Variants in GARNL3 observed in about 807,000 individuals in gnomAD.
The protein encoded by GARNL3 is GTPase activating Rap/RanGAP domain like 3.
A neutral mutation model predicts 125.0 loss-of-function variants in GARNL3; 63 were observed. The ratio of observed to expected loss-of-function variants is 0.50; its 90% CI spans 0.41 to 0.62. The LOEUF is 0.62. GARNL3 is among the 20% of genes least tolerant of loss of function. GARNL3 has a pLI of 0.00. For synonymous variants in GARNL3, 439 were observed against 457.5 expected, an observed-to-expected ratio of 0.96 and a Z score of 0.52; for missense variants, 994 against 1,244.0, an observed-to-expected ratio of 0.80 and a Z score of 3.02.
chr9:127,273,228 A>G (rs895539048), intron 1 of GARNL3, among the ~76,000 whole-genome samples: 3 of 152,144 alleles, frequency 2.0e-5, no homozygotes, highest in Non-Finnish European at 2.9e-5. Context: ...CAGGAGTGAC[A>G]TTTAAACCCA....
intron 2 of GARNL3, among the ~76,000 whole-genome samples, chr9:127,295,512 G>A (rs911322285): frequency 6.6e-6 from 1 of 151,998 alleles, no homozygotes; most frequent in African/African-American, 2.4e-5. Context: ...TTCTCACACC[G>A]ACTACCTGGA....
At chr9:127,361,326 A>C (rs1830988592) in intron 21 of GARNL3, among the ~76,000 whole-genome samples, 1 of 152,088 alleles carries the variant, frequency 6.6e-6, no homozygotes, top group Admixed American at 6.6e-5. Context: ...GCTGGAGTGC[A>C]GTGGTGCAAT....
chr9:127,392,075 TGCATTCCA>T lies in GARNL3; in HGVS notation c.2871-1003_2871-996del, dbSNP rs1832899245. On this transcript the variant is annotated intron_variant, in intron 27 of 27. Coordinates refer to ENST00000373387, the MANE Select transcript of GARNL3 (RefSeq NM_032293.5). The surrounding 1 kb of genome is among the most constrained non-coding windows in gnomAD (Gnocchi z 5.2). ...GACCAACAAGCGTCCAGAAAATGAC[TGCATTCCA>T]GCATGGCAGGTGATGTGTAAGGAGG... Among the ~76,000 whole-genome samples, 2 of 152,198 alleles carry T rather than the reference TGCATTCCA, an allele frequency of 1.3e-5. No homozygotes were observed. Among genetic ancestry groups the T allele is most frequent in the South Asian group, 4.1e-4 (2 of 4,832 alleles).
At chr9:127,281,415 C>A (rs1340928927) in intron 1 of GARNL3, among the ~76,000 whole-genome samples, 1 of 152,098 alleles carries the variant, frequency 6.6e-6, no homozygotes, top group South Asian at 2.1e-4. Context: ...AGATCCAGGG[C>A]CTTGGTGGCT....
At position 127,314,947 on chromosome 9, in the gene GARNL3, T is replaced by A. The variant is rs529237105; in HGVS notation, c.438+1388T>A. Reference sequence around the variant, plus strand: ...GAGTAGAAGGGGAATCAGAGAGTGTTCCAGGTAGAAGGAGCAACAAATGTG... The same window carrying A: ...GAGTAGAAGGGGAATCAGAGAGTGTACCAGGTAGAAGGAGCAACAAATGTG... On this transcript the variant is annotated intron_variant, in intron 4 of 27. Transcript: ENST00000373387. Among the ~76,000 whole-genome samples the A allele has an allele frequency of 7.2e-5, 11 of 152,212 alleles. No individual in the cohort carries two copies. The East Asian group carries it at 2.1e-3, about 29-fold the overall frequency.
chr9:127,347,956 A>C (rs1830228366), intron 16 of GARNL3, among the ~76,000 whole-genome samples: 1 of 152,156 alleles, frequency 6.6e-6, no homozygotes, highest in Admixed American at 6.5e-5. Context: ...CTCAGCCCTA[A>C]TGCCGTTTTC....
intron 7 of GARNL3, among the ~76,000 whole-genome samples, chr9:127,330,721 G>A (rs1033941475): frequency 3.6e-5 from 5 of 137,070 alleles, no homozygotes; most frequent in East Asian, 2.0e-4. Context: ...ATCAGGAAAG[G>A]CCACTCTGGA....
At chr9:127,228,296 A>G (rs1267999039) in intron 1 of GARNL3, among the ~76,000 whole-genome samples, 1 of 152,236 alleles carries the variant, frequency 6.6e-6, no homozygotes, top group Non-Finnish European at 1.5e-5. Flanking sequence ...TTTTATAAAC[A>G]GGTCATCATA....
chr9:127,392,816 T>C lies in GARNL3; in HGVS notation c.2871-267T>C, dbSNP rs1832938008. ...ACCCATGGGAGGGTTTTAGGCAGGA[T>C]GACATTATCTGGATTTGCACTTTAG... is the stretch of plus-strand genomic sequence containing the variant. On this transcript the variant is annotated intron_variant, in intron 27 of 27. Coordinates refer to ENST00000373387, the MANE Select transcript of GARNL3 (RefSeq NM_032293.5). The surrounding 1 kb of genome is among the most constrained non-coding windows in gnomAD (Gnocchi z 5.2). Among the ~76,000 whole-genome samples, 2 of 152,204 alleles carry C rather than the reference T, an allele frequency of 1.3e-5. No individual in the cohort carries two copies. The highest frequency in any genetic ancestry group is 2.4e-5 in the African/African-American group (1 of 41,450).
chr9:127,307,375 CTACCTGAAAGAAGCTTGTCT>C (rs2064986243), intron 2 of GARNL3, among the ~76,000 whole-genome samples: 1 of 152,184 alleles, frequency 6.6e-6, no homozygotes, highest in Non-Finnish European at 1.5e-5. Flanking sequence ...TCTGTTGCTG[CTACCTGAAAGAAGCTTGTCT>C]GTGCCATCCA....
chr9:127,303,739 C>T (rs1419667648), intron 2 of GARNL3, among the ~76,000 whole-genome samples: 1 of 152,108 alleles, frequency 6.6e-6, no homozygotes, highest in Non-Finnish European at 1.5e-5. Flanking sequence ...TTTGTGGATT[C>T]CCTGCTTAAA....
chr9:127,351,268 T>C (rs540551709), intron 17 of GARNL3, among the ~76,000 whole-genome samples: 2 of 152,344 alleles, frequency 1.3e-5, no homozygotes, highest in South Asian at 4.1e-4. Flanking sequence ...TCTGAAATTT[T>C]TATCTTAAGG....
chr9:127,224,810 G>A (rs1415729374), intron 1 of GARNL3: 1 of 151,222 alleles, frequency 6.6e-6, no homozygotes, highest in Non-Finnish European at 1.5e-5. Context: ...GTCGAGGTTA[G>A]GGTGGGCGTT....
At chr9:127,285,048 A>T (rs1183526829) in intron 1 of GARNL3, among the ~76,000 whole-genome samples, 1 of 152,150 alleles carries the variant, frequency 6.6e-6, no homozygotes, top group Non-Finnish European at 1.5e-5. Context: ...TTTTGATACT[A>T]ATTTCTTATT....
chr9:127,375,771 G>C (rs572443436), intron 22 of GARNL3, among the ~76,000 whole-genome samples: 34 of 152,308 alleles, frequency 2.2e-4, no homozygotes, highest in African/African-American at 8.2e-4. Context: ...CATTGCGACT[G>C]CCTTATGGTT....
At position 127,387,242 on chromosome 9, in the gene GARNL3, G is replaced by C; in HGVS notation, c.2438G>C (p.Gly813Ala). Residue 813 changes from glycine (G) to alanine (A), a missense_variant, in exon 25 of 28, where the codon GGA becomes GCA. By Grantham distance (60) the Gly-to-Ala change is moderately conservative (BLOSUM62 0). This residue lies in a region of GARNL3 where 728 missense variants were observed against 865.7 expected (regional missense o/e 0.84). Coordinates refer to ENST00000373387, the MANE Select transcript of GARNL3 (RefSeq NM_032293.5). ...GCAGCTGTGAATGAGGTCTCATCTG[G>C]AGGCAGCTCCAAGGGGGCCAGTGCC... is the stretch of plus-strand genomic sequence containing the variant. ...ATAAVNEVSS[G>A]GSSKGASARN... The C allele has an allele frequency of 6.2e-7, 1 of 1,614,136 alleles. No individual in the cohort carries two copies. The highest frequency in any genetic ancestry group is 1.3e-5 in the African/African-American group (1 of 75,036).
intron 2 of GARNL3, among the ~76,000 whole-genome samples, chr9:127,248,806 C>T (rs951471279): frequency 3.2e-4 from 48 of 151,596 alleles, no homozygotes; most frequent in African/African-American, 9.9e-4. Flanking sequence ...GACATGGTTT[C>T]GCCATGTTGC....
intron 1 of GARNL3, among the ~76,000 whole-genome samples, chr9:127,230,673 G>A (rs941546722): frequency 1.4e-5 from 2 of 147,688 alleles, no homozygotes; most frequent in South Asian, 4.3e-4. Context: ...AAAAAAAAAA[G>A]ACGTTTACAT....
At chr9:127,282,414 A>T (rs750892073) in intron 1 of GARNL3, among the ~76,000 whole-genome samples, 2 of 152,204 alleles carry the variant, frequency 1.3e-5, no homozygotes, top group African/African-American at 4.8e-5. Flanking sequence ...TACATTTTAC[A>T]TTATTAAATC....
Sources: gnomAD v4.1 joint callset for allele counts (sites outside exome capture counted in the v4.1 genomes callset) on GRCh38, gnomAD v4.1.1 for gene constraint, gnomAD v4.1.1 regional missense constraint, Gnocchi (gnomAD v3.1) non-coding constraint, MANE v1.5 for transcripts, NCBI Gene and HGNC (gene_info 2026-07-23, HGNC 2026-07-21) for gene names.